ACOXL: variants seen among roughly 807,000 people sequenced by gnomAD.
The protein encoded by ACOXL is acyl-coenzyme A oxidase-like protein.
ACOXL carries 70 observed loss-of-function variants against 71.9 expected under a neutral mutation model. The ratio of observed to expected loss-of-function variants is 0.97; its 90% CI spans 0.80 to 1.19. The LOEUF is 1.19. Ranked by LOEUF, ACOXL falls within the 50% of genes most tolerant of loss-of-function variation. ACOXL has a pLI of 0.00. For synonymous variants in ACOXL, 253 were observed against 281.6 expected (o/e 0.90, Z 1.02); for missense variants, 703 against 736.3 (o/e 0.95, Z 0.52).
chr2:110,853,972 CTT>C (rs1261885147), intron 10 of ACOXL, among the ~76,000 whole-genome samples: 1 of 148,956 alleles, frequency 6.7e-6, no homozygotes, highest in African/African-American at 2.5e-5. Flanking sequence ...TCAACAGATA[CTT>C]ACTGAGCTTC....
intron 1 of ACOXL, among the ~76,000 whole-genome samples, chr2:110,736,722 C>A (rs1676899732): frequency 6.6e-6 from 1 of 152,020 alleles, no homozygotes; most frequent in South Asian, 2.1e-4. Context: ...CGGGCTCACG[C>A]CATTCTCCTG....
intron 11 of ACOXL, among the ~76,000 whole-genome samples, chr2:110,920,529 T>C (rs2060026923): frequency 6.6e-6 from 1 of 152,184 alleles, no homozygotes. Flanking sequence ...TGTCACTTTT[T>C]AAAATTCTCT....
chr2:110,938,072 C>G (rs1289755115), intron 12 of ACOXL, among the ~76,000 whole-genome samples: 1 of 152,208 alleles, frequency 6.6e-6, no homozygotes, highest in Admixed American at 6.5e-5. Flanking sequence ...GAGGCAGGCC[C>G]TGTGCAGCTG....
intron 17 of ACOXL, among the ~76,000 whole-genome samples, chr2:111,111,513 G>A (rs994996553): frequency 6.6e-6 from 1 of 152,160 alleles, no homozygotes; most frequent in Non-Finnish European, 1.5e-5. Flanking sequence ...GCTACTATGA[G>A]CAGCATTGTG....
intron 3 of ACOXL, among the ~76,000 whole-genome samples, chr2:110,787,558 A>AG (rs796770591): frequency 9.6e-4 from 145 of 151,652 alleles, no homozygotes; most frequent in African/African-American, 3.3e-3. Flanking sequence ...AAAAAGAAAA[A>AG]GAAAAAAAAG....
intron 15 of ACOXL, among the ~76,000 whole-genome samples, chr2:111,039,398 AG>A (rs1464803211): frequency 7.0e-6 from 1 of 142,536 alleles, no homozygotes; most frequent in Non-Finnish European, 1.6e-5. Flanking sequence ...TCGAAACATG[AG>A]AACCAAAAAG....
intron 1 of ACOXL, among the ~76,000 whole-genome samples, chr2:110,736,803 G>A (rs1447767721): frequency 6.6e-6 from 1 of 152,072 alleles, no homozygotes; most frequent in Non-Finnish European, 1.5e-5. Flanking sequence ...GTATTTTTTA[G>A]TAGAGACGGG....
At chr2:110,887,704 C>A (rs1244418647) in intron 10 of ACOXL, 1 of 152,352 alleles carries the variant, frequency 6.6e-6, no homozygotes, top group Non-Finnish European at 1.5e-5. Flanking sequence ...TAGTGATCCT[C>A]CTGCCTTGGC....
At chr2:111,025,316 A>G (rs2064967877) in intron 14 of ACOXL, among the ~76,000 whole-genome samples, 1 of 152,162 alleles carries the variant, frequency 6.6e-6, no homozygotes, top group Non-Finnish European at 1.5e-5. Context: ...TTATGTGGAC[A>G]TATGTTTTTG....
chr2:110,884,524 G>C (rs975950460), intron 10 of ACOXL, among the ~76,000 whole-genome samples: 1 of 152,146 alleles, frequency 6.6e-6, no homozygotes. Flanking sequence ...CATAAAAGGA[G>C]CTCAGAGAGA....
chr2:110,799,719 C>T (rs1408343924), intron 7 of ACOXL, among the ~76,000 whole-genome samples: 1 of 152,190 alleles, frequency 6.6e-6, no homozygotes, highest in Non-Finnish European at 1.5e-5. Context: ...GTAAAATGCA[C>T]CAATCAGCAC....
intron 12 of ACOXL, among the ~76,000 whole-genome samples, chr2:110,970,186 A>G (rs1046652615): frequency 5.9e-5 from 9 of 152,232 alleles, no homozygotes; most frequent in African/African-American, 2.4e-5. Context: ...AGAAGAAAAA[A>G]AGAATAAAGC....
intron 10 of ACOXL, among the ~76,000 whole-genome samples, chr2:110,858,921 T>C (rs764064855): frequency 1.3e-5 from 2 of 152,236 alleles, no homozygotes; most frequent in South Asian, 2.1e-4. Context: ...TTGAAATATT[T>C]AATCCTTTGA....
At chr2:110,760,185 G>T (rs1325389418) in intron 1 of ACOXL, among the ~76,000 whole-genome samples, 1 of 150,616 alleles carries the variant, frequency 6.6e-6, no homozygotes, top group East Asian at 1.9e-4. Flanking sequence ...TGTTGCCCAG[G>T]CTGGAGTGCA....
At chr2:110,828,057 A>G (rs1476961675) in intron 9 of ACOXL, among the ~76,000 whole-genome samples, 1 of 151,926 alleles carries the variant, frequency 6.6e-6, no homozygotes, top group East Asian at 1.9e-4. Flanking sequence ...TGTAACCTCC[A>G]CCTCCCAGGT....
chr2:110,846,959 G>A (rs1449019537), intron 10 of ACOXL, among the ~76,000 whole-genome samples: 1 of 152,116 alleles, frequency 6.6e-6, no homozygotes, highest in Non-Finnish European at 1.5e-5. Flanking sequence ...CTCATGTTTC[G>A]TTTATTATCA....
intron 12 of ACOXL, among the ~76,000 whole-genome samples, chr2:110,966,318 T>A (rs2061926987): frequency 6.6e-6 from 1 of 152,112 alleles, no homozygotes; most frequent in South Asian, 2.1e-4. Flanking sequence ...CCATCACCAG[T>A]GTGCTTCTGC....
At chr2:110,949,449 C>A (rs939185325) in intron 12 of ACOXL, among the ~76,000 whole-genome samples, 3 of 152,114 alleles carry the variant, frequency 2.0e-5, no homozygotes, top group Non-Finnish European at 4.4e-5. Flanking sequence ...CAAGAAAAAA[C>A]CCCAAAGTTC....
chr2:111,050,320 C>G (rs1443163474), intron 16 of ACOXL, among the ~76,000 whole-genome samples: 2 of 151,798 alleles, frequency 1.3e-5, no homozygotes, highest in Non-Finnish European at 2.9e-5. Flanking sequence ...CTGCTCATAC[C>G]AAGTGTTGGG....
Sources: gnomAD v4.1 joint callset for allele counts (sites outside exome capture counted in the v4.1 genomes callset) on GRCh38, gnomAD v4.1.1 for gene constraint, MANE v1.5 for transcripts, NCBI Gene and HGNC (gene_info 2026-07-23, HGNC 2026-07-21) for gene names.